The following MSI2 variants were observed in gnomAD, a reference collection of about 807,000 sequenced individuals.
The protein encoded by MSI2 is RNA-binding protein Musashi homolog 2.
In MSI2, 17 loss-of-function variants were observed where a neutral mutation model predicts 45.6. That is an observed-to-expected ratio of 0.37 (90% confidence interval 0.26 to 0.56). The LOEUF (loss-of-function observed/expected upper bound fraction) is 0.56. Ranked by LOEUF, MSI2 falls within the 20% of genes least tolerant of loss-of-function variation. The pLI is 0.77. For synonymous variants in MSI2, 156 were observed against 158.2 expected, an observed-to-expected ratio of 0.99 and a Z score of 0.11; for missense variants, 293 against 444.2, an observed-to-expected ratio of 0.66 and a Z score of 3.06.
intron 6 of MSI2, among the ~76,000 whole-genome samples, chr17:57,477,755 C>G (rs1467902102): frequency 6.6e-6 from 1 of 152,192 alleles, no homozygotes; most frequent in Admixed American, 6.5e-5. Flanking sequence ...GCTTCTGAAG[C>G]TTTGAGGGCT....
At chr17:57,346,587 G>A (rs1456986232) in intron 5 of MSI2, among the ~76,000 whole-genome samples, 1 of 152,162 alleles carries the variant, frequency 6.6e-6, no homozygotes, top group East Asian at 1.9e-4. Flanking sequence ...TAAATCATTA[G>A]CAGAACATTT....
intron 6 of MSI2, among the ~76,000 whole-genome samples, chr17:57,482,089 G>A (rs1008178753): frequency 5.3e-5 from 8 of 152,128 alleles, no homozygotes; most frequent in African/African-American, 1.9e-4. Flanking sequence ...ACAACCTTCG[G>A]CCACATGATA....
chr17:57,420,344 TGGTGGCATAG>T (rs2084372517), intron 6 of MSI2, among the ~76,000 whole-genome samples: 1 of 152,226 alleles, frequency 6.6e-6, no homozygotes, highest in Non-Finnish European at 1.5e-5. Flanking sequence ...TATTTGTCCA[TGGTGGCATAG>T]GTGGTATTTA....
intron 11 of MSI2, among the ~76,000 whole-genome samples, chr17:57,674,088 C>G (rs1235905209): frequency 1.3e-5 from 2 of 151,702 alleles, no homozygotes; most frequent in Non-Finnish European, 2.9e-5. Flanking sequence ...CCATTCCCCC[C>G]CATCCCTCCC....
At chr17:57,396,849 A>C (rs1477960469) in intron 5 of MSI2, among the ~76,000 whole-genome samples, 1 of 152,172 alleles carries the variant, frequency 6.6e-6, no homozygotes, top group Non-Finnish European at 1.5e-5. Context: ...CCAGAGTGAC[A>C]CCTTAAACCA....
chr17:57,570,131 G>A (rs1469128337), intron 7 of MSI2, among the ~76,000 whole-genome samples: 3 of 152,214 alleles, frequency 2.0e-5, no homozygotes, highest in Non-Finnish European at 4.4e-5. Flanking sequence ...AAATGCCGAT[G>A]ACATAGTATT....
chr17:57,572,152 G>A (rs2087895882), intron 7 of MSI2, among the ~76,000 whole-genome samples: 1 of 152,216 alleles, frequency 6.6e-6, no homozygotes, highest in Non-Finnish European at 1.5e-5. Context: ...GCCAGAGCCT[G>A]CTGGGAAGCA....
intron 6 of MSI2, among the ~76,000 whole-genome samples, chr17:57,477,460 A>G (rs1044272328): frequency 6.6e-6 from 1 of 152,112 alleles, no homozygotes; most frequent in African/African-American, 2.4e-5. Flanking sequence ...ATCAAACAAC[A>G]GAGTAGTAGT....
chr17:57,292,742 G>T (rs1160257387), intron 5 of MSI2, among the ~76,000 whole-genome samples: 1 of 152,160 alleles, frequency 6.6e-6, no homozygotes, highest in Non-Finnish European at 1.5e-5. Context: ...AAAGTGTTAG[G>T]AGGGAAAGGA....
intron 7 of MSI2, among the ~76,000 whole-genome samples, chr17:57,571,881 G>A (rs1159878245): frequency 6.6e-6 from 1 of 152,074 alleles, no homozygotes; most frequent in Admixed American, 6.6e-5. Flanking sequence ...CCCACATCAG[G>A]AGAGGGTCCC....
intron 5 of MSI2, among the ~76,000 whole-genome samples, chr17:57,331,443 A>G (rs1271979947): frequency 1.3e-5 from 2 of 152,140 alleles, no homozygotes; most frequent in Non-Finnish European, 2.9e-5. Context: ...GAGAGCAGAG[A>G]TATCAAGAAA....
chr17:57,659,689 C>T (rs2144708190), intron 11 of MSI2, among the ~76,000 whole-genome samples: 1 of 152,108 alleles, frequency 6.6e-6, no homozygotes, highest in East Asian at 1.9e-4. Flanking sequence ...ACACACCTGC[C>T]CCCCAGGACA....
intron 10 of MSI2, among the ~76,000 whole-genome samples, chr17:57,644,603 T>G (rs752718273): frequency 6.6e-6 from 1 of 152,106 alleles, no homozygotes; most frequent in Non-Finnish European, 1.5e-5. Context: ...TTCTTTTGCT[T>G]GCTTATTTTT....
At chr17:57,575,155 C>A (rs891261063) in intron 7 of MSI2, among the ~76,000 whole-genome samples, 6 of 141,166 alleles carry the variant, frequency 4.3e-5, no homozygotes, top group African/African-American at 1.3e-4. Flanking sequence ...ACTCCCTCCC[C>A]CCGCCACCCC....
chr17:57,678,121 G>A (rs567234450), intron 13 of MSI2, among the ~76,000 whole-genome samples: 37 of 152,300 alleles, frequency 2.4e-4, no homozygotes, highest in Admixed American at 2.0e-3. Context: ...CACTTCATTG[G>A]ATGCCTCTCT....
intron 8 of MSI2, among the ~76,000 whole-genome samples, chr17:57,606,029 G>A (rs1438906949): frequency 6.6e-6 from 1 of 152,240 alleles, no homozygotes; most frequent in Non-Finnish European, 1.5e-5. Context: ...CCCAAATAGT[G>A]CGGCCTGGGA....
rs935696419 is a variant in MSI2, at chr17:57,680,876, C to A, written c.*1359C>A. 2.8e-4 allele frequency: 57 copies of A among 203,916 alleles called. No homozygotes were observed. The highest frequency in any genetic ancestry group is 1.2e-3 in the African/African-American group (54 of 43,764). 12.6% of individuals were successfully genotyped at this position (203,916 alleles called of 1,614,324 possible). A position where few individuals can be genotyped will look rare whatever the true frequency, so the allele number is the denominator to read the frequency against. On this transcript the variant is annotated 3_prime_UTR_variant, in exon 14 of 14. Transcript: ENST00000284073. ...CCCTAGGACACTTTGCCTCTCTTCT[C>A]CCCCTGCCCCCCACCCTGCTCCCAC...
At chr17:57,695,844 C>G in the MSI2 span, among the ~76,000 whole-genome samples, 22 of 152,190 alleles carry the variant, frequency 1.4e-4, no homozygotes, top group Non-Finnish European at 1.5e-5. Flanking sequence ...GGTGACGGCT[C>G]TCTTCCTGGC....
chr17:57,409,878 G>T (rs1035387901), intron 6 of MSI2, among the ~76,000 whole-genome samples: 3 of 151,746 alleles, frequency 2.0e-5, no homozygotes, highest in South Asian at 2.1e-4. Context: ...CGTGGTGGTG[G>T]GCACCTGTAA....
Sources: allele counts gnomAD v4.1 joint callset (sites outside exome capture counted in the v4.1 genomes callset), GRCh38; gene constraint gnomAD v4.1.1; transcripts MANE v1.5; gene names NCBI Gene and HGNC (gene_info 2026-07-23, HGNC 2026-07-21).